Variants in FAM184B observed in about 807,000 individuals in gnomAD.
FAM184B encodes family with sequence similarity 184 member B, also known as protein FAM184B.
FAM184B carries 111 observed loss-of-function variants against 135.9 expected under a neutral mutation model. The observed-to-expected ratio is 0.82, with a 90% CI of 0.70 to 0.96. The LOEUF is 0.96. Among genes scored for constraint, FAM184B ranks in the 40% least tolerant of loss-of-function variants. FAM184B has a pLI of 0.00. For missense variants in FAM184B, 1,375 were observed against 1,323.9 expected (o/e 1.04, Z -0.60); for synonymous variants, 552 against 524.8 (o/e 1.05, Z -0.71).
At chr4:17,754,981 C>A (rs747905562) in intron 1 of FAM184B, among the ~76,000 whole-genome samples, 24 of 151,996 alleles carry the variant, frequency 1.6e-4, no homozygotes, top group Non-Finnish European at 2.4e-4. Context: ...TAGCTTCAGC[C>A]TCCCTGGTAG....
At chr4:17,753,093 C>T (rs1158215072) in intron 1 of FAM184B, among the ~76,000 whole-genome samples, 3 of 152,186 alleles carry the variant, frequency 2.0e-5, no homozygotes, top group Non-Finnish European at 2.9e-5. Flanking sequence ...ATCTATTTGA[C>T]CCCTGCCCTG....
intron 12 of FAM184B, among the ~76,000 whole-genome samples, chr4:17,644,043 A>G (rs1311489065): frequency 6.6e-6 from 1 of 152,228 alleles, no homozygotes; most frequent in Non-Finnish European, 1.5e-5. Context: ...CCAGCATGAG[A>G]TATGCTGGGC....
intron 1 of FAM184B, among the ~76,000 whole-genome samples, chr4:17,757,868 C>T (rs1718456499): frequency 6.6e-6 from 1 of 152,128 alleles, no homozygotes; most frequent in African/African-American, 2.4e-5. Context: ...CCAGTCTCTG[C>T]AGCAGTTTAG....
intron 6 of FAM184B, 37 bp from the exon 7 acceptor site, chr4:17,688,568 C>T: frequency 6.9e-7 from 1 of 1,443,892 alleles, no homozygotes; most frequent in Non-Finnish European, 9.5e-7. Context: ...ACAATGAAAC[C>T]AGGTTCTACC....
intron 16 of FAM184B, among the ~76,000 whole-genome samples, chr4:17,634,331 T>G (rs990052495): frequency 6.6e-6 from 1 of 152,190 alleles, no homozygotes. Flanking sequence ...AAAAATACTA[T>G]TTTTGTTTTT....
At chr4:17,710,972 G>A (rs1339833793) in intron 1 of FAM184B, among the ~76,000 whole-genome samples, 1 of 152,182 alleles carries the variant, frequency 6.6e-6, no homozygotes, top group Non-Finnish European at 1.5e-5. Flanking sequence ...GAGGAGGGGG[G>A]TGAAGTCAGG....
intron 7 of FAM184B, among the ~76,000 whole-genome samples, chr4:17,682,964 C>T (rs1357641678): frequency 1.3e-5 from 2 of 152,162 alleles, no homozygotes; most frequent in Non-Finnish European, 2.9e-5. Flanking sequence ...CTATTGCCAC[C>T]AGCAGATCTG....
chr4:17,638,542 G>C (rs1460085083), intron 14 of FAM184B, among the ~76,000 whole-genome samples: 1 of 152,116 alleles, frequency 6.6e-6, no homozygotes, highest in Non-Finnish European at 1.5e-5. Flanking sequence ...CAGAATTTGT[G>C]AGCCTATGAG....
At chr4:17,728,176 G>A (rs564817413) in intron 1 of FAM184B, among the ~76,000 whole-genome samples, 5 of 152,176 alleles carry the variant, frequency 3.3e-5, no homozygotes, top group Admixed American at 1.3e-4. Flanking sequence ...CACGACGAAG[G>A]TAGTGATGAT....
In FAM184B at chr4:17,647,537, C is replaced by T. The variant is rs1379546055; in HGVS notation, c.2346+100G>A. The T allele has an allele frequency of 3.6e-6, 5 of 1,389,130 alleles. No individual in the cohort carries two copies. In the Admixed American group the frequency reaches 9.8e-5, roughly 27 times the overall value. 86.1% of individuals were successfully genotyped at this position (1,389,130 alleles called of 1,614,324 possible). ...AGTGCTAGATTCCAAGTGTGAGCCA[C>T]TGCACTCAGCCTCAGAGCCCATCCT... On this transcript the variant is annotated intron_variant, in intron 12 of 17. Coordinates refer to ENST00000265018, the MANE Select transcript of FAM184B (RefSeq NM_015688.2).
At chr4:17,646,642 A>G (rs1042620514) in intron 12 of FAM184B, among the ~76,000 whole-genome samples, 2 of 152,122 alleles carry the variant, frequency 1.3e-5, no homozygotes, top group Non-Finnish European at 2.9e-5. Flanking sequence ...TGACGAGTTA[A>G]TGGGTGCAGC....
rs561090041 is a variant in FAM184B, at chr4:17,719,347, C to T, written c.142-9703G>A. 1.6e-4 allele frequency among the ~76,000 whole-genome samples: 25 copies of T among 152,228 alleles called. 1 individual carries two copies. Among genetic ancestry groups the T allele is most frequent in the East Asian group, 9.6e-4 (5 of 5,188 alleles). ...ACATCCCAGGAGGAAAAGAGGAGGACGGCACAAGATTTCATCATGCTACTC... is the reference window on the plus strand; with the variant it reads ...ACATCCCAGGAGGAAAAGAGGAGGATGGCACAAGATTTCATCATGCTACTC... On this transcript the variant is annotated intron_variant, in intron 1 of 17. Coordinates refer to ENST00000265018, the MANE Select transcript of FAM184B (RefSeq NM_015688.2).
At chr4:17,646,445 C>G (rs1715468244) in intron 12 of FAM184B, among the ~76,000 whole-genome samples, 1 of 152,152 alleles carries the variant, frequency 6.6e-6, no homozygotes, top group Non-Finnish European at 1.5e-5. Flanking sequence ...ATGGATGAAG[C>G]TGGAAACCAT....
chr4:17,715,112 C>T (rs562132224), intron 1 of FAM184B, among the ~76,000 whole-genome samples: 1 of 152,282 alleles, frequency 6.6e-6, no homozygotes, highest in South Asian at 2.1e-4. Flanking sequence ...CATACACATT[C>T]ATCTGCACCT....
chr4:17,731,849 C>T (rs929334987), intron 1 of FAM184B, among the ~76,000 whole-genome samples: 2 of 152,190 alleles, frequency 1.3e-5, no homozygotes, highest in African/African-American at 2.4e-5. Flanking sequence ...TAGACATCTA[C>T]AGAACTCTCC....
At chr4:17,764,236 A>C (rs554746277) in intron 1 of FAM184B, among the ~76,000 whole-genome samples, 3 of 152,314 alleles carry the variant, frequency 2.0e-5, no homozygotes, top group South Asian at 2.1e-4. Flanking sequence ...GCCTGGAACA[A>C]TTCAGCTCTG....
intron 1 of FAM184B, among the ~76,000 whole-genome samples, chr4:17,711,892 A>C (rs1717280952): frequency 6.6e-6 from 1 of 152,168 alleles, no homozygotes; most frequent in Non-Finnish European, 1.5e-5. Flanking sequence ...TTCTCAGTGG[A>C]ATGAGACAAG....
At chr4:17,704,061 A>T (rs924865347) in intron 5 of FAM184B, among the ~76,000 whole-genome samples, 1 of 152,290 alleles carries the variant, frequency 6.6e-6, no homozygotes, top group African/African-American at 2.4e-5. Context: ...TCACCAGTTC[A>T]TTTAACACAT....
At chr4:17,762,655 T>C (rs955111042) in intron 1 of FAM184B, among the ~76,000 whole-genome samples, 1 of 152,230 alleles carries the variant, frequency 6.6e-6, no homozygotes, top group African/African-American at 2.4e-5. Flanking sequence ...TAATCTCTGC[T>C]CATGGAGTTG....
Sources: allele counts gnomAD v4.1 joint callset (sites outside exome capture counted in the v4.1 genomes callset), GRCh38; gene constraint gnomAD v4.1.1; transcripts MANE v1.5; gene names NCBI Gene and HGNC (gene_info 2026-07-23, HGNC 2026-07-21).